RBPJ: variants seen among roughly 807,000 people sequenced by gnomAD.
RBPJ encodes recombining binding protein suppressor of hairless.
Under a neutral mutation model 67.8 loss-of-function variants are expected in RBPJ, and 9 were observed. The ratio of observed to expected loss-of-function variants is 0.13; its 90% confidence interval spans 0.08 to 0.23. The LOEUF (loss-of-function observed/expected upper bound fraction) is 0.23. Among genes scored for constraint, RBPJ ranks in the 10% least tolerant of loss-of-function variants. The probability of loss-of-function intolerance (pLI) is 1.00; values close to 1 mark genes in which losing one functional copy is unlikely to be tolerated. For missense variants in RBPJ, 305 were observed against 595.6 expected, an observed-to-expected ratio of 0.51 and a Z score of 5.08; for synonymous variants, 198 against 203.3, an observed-to-expected ratio of 0.97 and a Z score of 0.22.
intron 1 of RBPJ, among the ~76,000 whole-genome samples, chr4:26,288,889 G>A (rs1721569303): frequency 6.6e-6 from 1 of 151,478 alleles, no homozygotes; most frequent in South Asian, 2.1e-4. Flanking sequence ...TATAGCTGGG[G>A]ATTAAGCCCA....
At chr4:26,109,523 C>CACAT in the RBPJ span, among the ~76,000 whole-genome samples, 6 of 44,418 alleles carry the variant, frequency 1.4e-4, no homozygotes, top group Non-Finnish European at 2.0e-4. Flanking sequence ...TACACACACA[C>CACAT]ATATATATAT....
At chr4:26,244,289 A>ATACACATATGTG (rs1560226168) in intron 1 of RBPJ, among the ~76,000 whole-genome samples, 11 of 100,790 alleles carry the variant, frequency 1.1e-4, no homozygotes, top group African/African-American at 3.1e-4. Context: ...GTGTATATGT[A>ATACACATATGTG]TACACATATG....
At chr4:26,118,915 T>TATTA in the RBPJ span, among the ~76,000 whole-genome samples, 1 of 152,212 alleles carries the variant, frequency 6.6e-6, no homozygotes, top group Non-Finnish European at 1.5e-5. Flanking sequence ...TTTCCCCTTC[T>TATTA]ATTAGGTCAA....
chr4:26,198,071 A>G (rs1577462767), intron 1 of RBPJ, among the ~76,000 whole-genome samples: 1 of 152,054 alleles, frequency 6.6e-6, no homozygotes, highest in African/African-American at 2.4e-5. Context: ...CAGCCTCAAC[A>G]TGGAGGAACC....
the RBPJ span, among the ~76,000 whole-genome samples, chr4:26,140,946 A>T: frequency 6.6e-6 from 1 of 152,168 alleles, no homozygotes; most frequent in South Asian, 2.1e-4. Flanking sequence ...TTCCCTTAAC[A>T]TCTCTGAACA....
At chr4:26,133,740 G>A in the RBPJ span, among the ~76,000 whole-genome samples, 93 of 146,402 alleles carry the variant, frequency 6.4e-4, 2 homozygotes, top group South Asian at 4.4e-3. Context: ...TCCCCTCCCC[G>A]CCCCCAGTCT....
At chr4:26,169,777 G>C (rs943791627) in intron 1 of RBPJ, among the ~76,000 whole-genome samples, 1 of 152,328 alleles carries the variant, frequency 6.6e-6, no homozygotes, top group African/African-American at 2.4e-5. Flanking sequence ...CCTGGGCAAT[G>C]GTGGGCGCCC....
the RBPJ span, among the ~76,000 whole-genome samples, chr4:26,127,234 C>T: frequency 3.3e-5 from 5 of 152,236 alleles, no homozygotes; most frequent in Non-Finnish European, 7.3e-5. Context: ...CAGCACATCA[C>T]AGCATCTGCT....
chr4:26,214,133 G>T (rs1718530378), intron 1 of RBPJ, among the ~76,000 whole-genome samples: 1 of 150,072 alleles, frequency 6.7e-6, no homozygotes, highest in Non-Finnish European at 1.5e-5. Context: ...AAGGATGGAT[G>T]GAAGGAAGGA....
Position 26,352,964 on chromosome 4 carries a change from C to G in RBPJ, c.20+31916C>G, listed in dbSNP as rs112584302. Among the ~76,000 whole-genome samples, 376 of 152,214 alleles carry G rather than the reference C, an allele frequency of 2.5e-3. 1 individual carries two copies. Among genetic ancestry groups the G allele is most frequent in the African/African-American group, 8.6e-3 (357 of 41,520 alleles). ...TTTTTGTTTTCCAGCTTCTTATGTACCGGTAGCTTTGTTAAATAGTGGAAA... is the reference window on the plus strand; with the variant it reads ...TTTTTGTTTTCCAGCTTCTTATGTAGCGGTAGCTTTGTTAAATAGTGGAAA... On this transcript the variant is annotated intron_variant, in intron 1 of 10. Coordinates refer to ENST00000355476, the MANE Select transcript of RBPJ (RefSeq NM_015874.6).
At chr4:26,261,493 A>G (rs1404791330) in intron 1 of RBPJ, among the ~76,000 whole-genome samples, 1 of 152,198 alleles carries the variant, frequency 6.6e-6, no homozygotes, top group Non-Finnish European at 1.5e-5. Flanking sequence ...AGAAAAGTAA[A>G]TATCGGATAA....
chr4:26,306,443 T>TTAC lies in RBPJ; in HGVS notation c.-166-56001_-166-56000insCTA, dbSNP rs58177672. Among the ~76,000 whole-genome samples the TTAC allele has an allele frequency of 5.0e-3, 742 of 149,298 alleles. 9 individuals are homozygous for TTAC. The highest frequency in any genetic ancestry group is 0.018 in the African/African-American group (718 of 40,788). On this transcript the variant is annotated intron_variant, in intron 1 of 4. Coordinates refer to the RBPJ transcript ENST00000512351. ...TTCTTATCATTTATTTGGAGAATTA[T>TTAC]TATTATTATTATTATTATTATTATT...
chr4:26,311,594 G>A (rs1205372080), intron 1 of RBPJ, among the ~76,000 whole-genome samples: 5 of 151,184 alleles, frequency 3.3e-5, no homozygotes, highest in Non-Finnish European at 5.9e-5. Flanking sequence ...TGTAATGTCC[G>A]CCTCTCATGA....
the RBPJ span, among the ~76,000 whole-genome samples, chr4:26,133,817 G>A: frequency 6.6e-6 from 1 of 151,678 alleles, no homozygotes; most frequent in Admixed American, 6.6e-5. Context: ...TGATCTAGTA[G>A]GTAACAGAGC....
chr4:26,375,446 T>C (rs1272162156), intron 1 of RBPJ, among the ~76,000 whole-genome samples: 4 of 152,190 alleles, frequency 2.6e-5, no homozygotes, highest in African/African-American at 4.8e-5. Context: ...TCCAAGTGTC[T>C]AGTGTGGTAC....
intron 1 of RBPJ, chr4:26,322,337 T>C (rs1723175384): frequency 6.6e-6 from 1 of 152,234 alleles, no homozygotes; most frequent in African/African-American, 2.4e-5. Flanking sequence ...TAAAAACTTG[T>C]GAGTGTTGGG....
intron 3 of RBPJ, 129 bp downstream of exon 3, chr4:26,406,399 G>A: frequency 4.8e-6 from 3 of 620,170 alleles, no homozygotes; most frequent in Non-Finnish European, 5.8e-6. Context: ...TAAAAAATAG[G>A]GGATTTGTCT....
rs925280740 is a variant in RBPJ, at chr4:26,301,913, C to G, written c.-166-60533C>G. ...GTTCAAGTGATTCTCCTGCTGCAGC[C>G]TCCCGAGTAGCTGGGATTATAGGTG... On this transcript the variant is annotated intron_variant, in intron 1 of 4. Transcript: ENST00000512351. 3.3e-5 allele frequency among the ~76,000 whole-genome samples: 5 copies of G among 152,062 alleles called. No homozygotes were observed. In the East Asian group the frequency reaches 9.7e-4, roughly 30 times the overall value.
At chr4:26,413,842 A>T (rs1734281588) in intron 3 of RBPJ, among the ~76,000 whole-genome samples, 1 of 152,198 alleles carries the variant, frequency 6.6e-6, no homozygotes, top group South Asian at 2.1e-4. Flanking sequence ...GTTGGCCTAC[A>T]GAGTGTTAAT....
Sources: allele counts gnomAD v4.1 joint callset (sites outside exome capture counted in the v4.1 genomes callset), GRCh38; gene constraint gnomAD v4.1.1; transcripts MANE v1.5; gene names NCBI Gene and HGNC (gene_info 2026-07-23, HGNC 2026-07-21).